PXDC1: variants seen among roughly 807,000 people sequenced by gnomAD.
PXDC1 encodes PX domain-containing protein 1.
Under a neutral mutation model 24.4 loss-of-function variants are expected in PXDC1, and 13 were observed. That is an observed-to-expected ratio of 0.53 (90% confidence interval 0.35 to 0.85). The LOEUF is 0.85. Among genes scored for constraint, PXDC1 ranks in the 40% least tolerant of loss-of-function variants. PXDC1 has a pLI of 0.01. For missense variants in PXDC1, 344 were observed against 309.3 expected, an observed-to-expected ratio of 1.11 and a Z score of -0.84; for synonymous variants, 162 against 124.9, an observed-to-expected ratio of 1.30 and a Z score of -1.98.
chr6:3,746,317 G>C (rs1760570289), intron 1 of PXDC1, among the ~76,000 whole-genome samples: 1 of 152,206 alleles, frequency 6.6e-6, no homozygotes, highest in East Asian at 1.9e-4. Flanking sequence ...CAGCAGGATG[G>C]GGGAAGCAGA....
chr6:3,747,761 T>C (rs1346786874), intron 1 of PXDC1, among the ~76,000 whole-genome samples: 1 of 152,254 alleles, frequency 6.6e-6, no homozygotes, highest in East Asian at 1.9e-4. Flanking sequence ...AATGTATTTG[T>C]TACTTGTTTA....
At position 3,723,697 on chromosome 6, in the gene PXDC1, G is replaced by C; in HGVS notation, c.618C>G (p.Asp206Glu). The change falls in exon 5 of 5, where the codon GAC (aspartate) becomes GAG (glutamate). Residue 206 changes from aspartate (D) to glutamate (E), a missense_variant. Transcript: ENST00000380283. ...TGACGTAGGCTGCTGGGTCGTCCCC[G>C]TCCTCCAGCTCTGAGGGAAACTCAC... Reference protein sequence around the residue: ...NGSEFPSELEDGDDPAAYVTN... With the variant: ...NGSEFPSELEEGDDPAAYVTN... 3 of 1,614,168 alleles carry C rather than the reference G, an allele frequency of 1.9e-6. No individual in the cohort carries two copies. The highest frequency in any genetic ancestry group is 1.7e-6 in the Non-Finnish European group (2 of 1,180,014).
rs1336817603 is a variant in PXDC1 at position 3,728,117 on chromosome 6, G to A, written c.467-455C>T. The stretch of plus-strand genomic sequence containing the variant: ...ATTGACTGCCCTGGGTTGTTGTTCT[G>A]ACTGAATGAAATCAGTGTGCATTTT... On this transcript the variant is annotated intron_variant, in intron 3 of 4. Coordinates refer to ENST00000380283, the MANE Select transcript of PXDC1 (RefSeq NM_183373.4). The surrounding 1 kb of genome is among the most constrained non-coding windows in gnomAD (Gnocchi z 4.0). 6.6e-6 allele frequency among the ~76,000 whole-genome samples: 1 copy of A among 152,168 alleles called. No homozygotes were observed. The highest frequency in any genetic ancestry group is 2.4e-5 in the African/African-American group (1 of 41,438).
intron 3 of PXDC1, among the ~76,000 whole-genome samples, chr6:3,735,277 T>C (rs1760288688): frequency 1.3e-5 from 2 of 152,070 alleles, no homozygotes. Flanking sequence ...TGGAACAGAA[T>C]AGAGAACACA....
intron 1 of PXDC1, among the ~76,000 whole-genome samples, chr6:3,741,814 T>A (rs1760454602): frequency 6.6e-6 from 1 of 152,224 alleles, no homozygotes; most frequent in African/African-American, 2.4e-5. Context: ...CTGGCCTTCC[T>A]AAAATGCCAA....
rs532026786 is a variant in PXDC1, at chr6:3,724,553, G to A, written c.579-817C>T. 4.1e-4 allele frequency among the ~76,000 whole-genome samples: 62 copies of A among 152,318 alleles called. No homozygotes were observed. Among genetic ancestry groups the A allele is most frequent in the Non-Finnish European group, 6.9e-4 (47 of 68,036 alleles). On this transcript the variant is annotated intron_variant, in intron 4 of 4. Coordinates refer to ENST00000380283, the MANE Select transcript of PXDC1 (RefSeq NM_183373.4). The surrounding 1 kb of genome is among the most constrained non-coding windows in gnomAD (Gnocchi z 4.5). The stretch of plus-strand genomic sequence containing the variant: ...GAAGGGGGACAGAGCTGTACGGCTC[G>A]TGGGATTTTCCTCCACCTATGAATC...
chr6:3,731,530 T>G (rs1429790529), intron 3 of PXDC1, among the ~76,000 whole-genome samples: 2 of 152,216 alleles, frequency 1.3e-5, no homozygotes, highest in African/African-American at 2.4e-5. Context: ...TTTTTCCAAA[T>G]GAAAGCAGCC....
chr6:3,744,901 C>T (rs1296145070), intron 1 of PXDC1, among the ~76,000 whole-genome samples: 6 of 152,162 alleles, frequency 3.9e-5, no homozygotes, highest in Non-Finnish European at 5.9e-5. Context: ...GGTTTCACCA[C>T]GTCGGCCAGG....
chr6:3,745,614 T>C (rs532127841), intron 1 of PXDC1, among the ~76,000 whole-genome samples: 1 of 151,902 alleles, frequency 6.6e-6, no homozygotes, highest in East Asian at 1.9e-4. Flanking sequence ...TGTTCCCAGG[T>C]GGGGAGATCC....
intron 3 of PXDC1, among the ~76,000 whole-genome samples, chr6:3,734,515 A>G (rs1218385800): frequency 1.3e-5 from 2 of 152,158 alleles, no homozygotes; most frequent in African/African-American, 4.8e-5. Context: ...AGCAATAGAC[A>G]ATTAGGACTC....
intron 1 of PXDC1, among the ~76,000 whole-genome samples, chr6:3,743,445 T>C (rs1760493906): frequency 6.6e-6 from 1 of 151,638 alleles, no homozygotes; most frequent in South Asian, 2.1e-4. Flanking sequence ...GATGCAGAGG[T>C]GAAGGGGGGA....
intron 1 of PXDC1, among the ~76,000 whole-genome samples, chr6:3,743,106 G>A (rs1361542748): frequency 6.6e-6 from 1 of 152,210 alleles, no homozygotes; most frequent in Non-Finnish European, 1.5e-5. Context: ...GAGGCTTTGG[G>A]CTCAACACTT....
Position 3,737,117 on chromosome 6 carries a change from T to G in PXDC1, c.428A>C (p.Lys143Thr). The G allele has an allele frequency of 6.2e-7, 1 of 1,613,698 alleles. No homozygotes were observed. The highest frequency in any genetic ancestry group is 8.5e-7 in the Non-Finnish European group (1 of 1,179,576). ...TGGACTTTGAAAGCTGGGTTGAATT[T>G]TATGCACATTATCATTTTTTAACAC... ...DQVLKNDNVH[K>T]IQPSFQSPVK... Residue 143 changes from lysine to threonine, a missense_variant, in exon 3 of 5, where the codon AAA becomes ACA. Coordinates refer to ENST00000380283, the MANE Select transcript of PXDC1 (RefSeq NM_183373.4). The surrounding 1 kb of genome is among the most constrained non-coding windows in gnomAD (Gnocchi z 5.5).
chr6:3,751,140 C>A, intron 1 of PXDC1, 136 bp downstream of exon 1: 1 of 667,316 alleles, frequency 1.5e-6, no homozygotes, highest in South Asian at 2.7e-5. Context: ...TCTGCGGGCG[C>A]GGGGTCCAAG....
At chr6:3,730,794 G>A (rs1233521901) in intron 3 of PXDC1, among the ~76,000 whole-genome samples, 1 of 152,230 alleles carries the variant, frequency 6.6e-6, no homozygotes, top group Non-Finnish European at 1.5e-5. Flanking sequence ...CTTGCCATGT[G>A]CCTTCGGCCA....
At chr6:3,740,133 T>C (rs1312609109) in intron 1 of PXDC1, among the ~76,000 whole-genome samples, 2 of 152,258 alleles carry the variant, frequency 1.3e-5, no homozygotes, top group African/African-American at 2.4e-5. Context: ...CCAGCACATG[T>C]ATACCCATTT....
In PXDC1 at chr6:3,727,786, C is replaced by T. The variant is rs371651089; in HGVS notation, c.467-124G>A. ...TGTTGCCCGTGCCTCTCTTCCACACCGTAAGAGAATGCCGTGCACCCGAGA... is the reference window on the plus strand; with the variant it reads ...TGTTGCCCGTGCCTCTCTTCCACACTGTAAGAGAATGCCGTGCACCCGAGA... On this transcript the variant is annotated intron_variant, in intron 3 of 4. Coordinates refer to ENST00000380283, the MANE Select transcript of PXDC1 (RefSeq NM_183373.4). 101 of 658,168 alleles carry T rather than the reference C, an allele frequency of 1.5e-4. No homozygotes were observed. The East Asian group carries it at 1.8e-3, about 12-fold the overall frequency. The allele number at this position is 658,168 out of a possible 1,614,324, so 40.8% of individuals were successfully genotyped here.
In PXDC1 at chr6:3,737,303, G is replaced by A; in HGVS notation, c.349-107C>T. The A allele has an allele frequency of 1.3e-6, 1 of 779,810 alleles. No individual in the cohort carries two copies. The highest frequency in any genetic ancestry group is 2.2e-6 in the Non-Finnish European group (1 of 455,976). The allele number at this position is 779,810 out of a possible 1,614,324, so 48.3% of individuals were successfully genotyped here. A position where few individuals can be genotyped will look rare whatever the true frequency, so the allele number is the denominator to read the frequency against. On this transcript the variant is annotated intron_variant, in intron 2 of 4. Coordinates refer to ENST00000380283, the MANE Select transcript of PXDC1 (RefSeq NM_183373.4). This position sits in a 1 kb window ranked among gnomAD's most constrained non-coding sequence, Gnocchi z 5.5. ...CCTCCGCAGAGGCAGCCTGTGTGAT[G>A]CAAACGCCCCATGAATGTCCAGATG... is the stretch of plus-strand genomic sequence containing the variant.
intron 1 of PXDC1, among the ~76,000 whole-genome samples, chr6:3,750,746 G>GGGAC (rs950025991): frequency 1.7e-4 from 26 of 152,276 alleles, no homozygotes; most frequent in African/African-American, 6.0e-4. Flanking sequence ...GCTCCGAGGA[G>GGGAC]GGACGGAAGG....
Sources: gnomAD v4.1 joint callset for allele counts (sites outside exome capture counted in the v4.1 genomes callset) on GRCh38, gnomAD v4.1.1 for gene constraint, Gnocchi (gnomAD v3.1) non-coding constraint, MANE v1.5 for transcripts, NCBI Gene and HGNC (gene_info 2026-07-23, HGNC 2026-07-21) for gene names.